FRAS1: variants seen among roughly 807,000 people sequenced by gnomAD.
The protein encoded by FRAS1 is Fraser extracellular matrix complex subunit 1.
In FRAS1, 290 loss-of-function variants were observed where a neutral mutation model predicts 435.2. The ratio of observed to expected loss-of-function variants is 0.67; its 90% CI spans 0.61 to 0.73. The LOEUF is 0.73. FRAS1 is among the 30% of genes least tolerant of loss of function. The pLI is 0.00. For missense variants in FRAS1, 4,860 were observed against 5,001.5 expected, an observed-to-expected ratio of 0.97 and a Z score of 0.85; for synonymous variants, 1,800 against 1,851.0, an observed-to-expected ratio of 0.97 and a Z score of 0.71.
chr4:78,287,145 G>GGA (rs1250321542), intron 14 of FRAS1, among the ~76,000 whole-genome samples: 3,741 of 151,660 alleles, frequency 0.025, 147 homozygotes, highest in African/African-American at 0.083. Flanking sequence ...CATGGTGTCT[G>GGA]GAGAGAGAGA....
At chr4:78,160,311 G>A (rs2110023099) in intron 2 of FRAS1, among the ~76,000 whole-genome samples, 1 of 152,358 alleles carries the variant, frequency 6.6e-6, no homozygotes, top group African/African-American at 2.4e-5. Flanking sequence ...CGTGTCAAAT[G>A]TAGCCTGCAG....
chr4:78,343,212 T>C (rs1033440638), intron 20 of FRAS1, among the ~76,000 whole-genome samples: 1 of 152,260 alleles, frequency 6.6e-6, no homozygotes, highest in Non-Finnish European at 1.5e-5. Flanking sequence ...AAGATGAAGA[T>C]GGCCAAACAT....
intron 2 of FRAS1, among the ~76,000 whole-genome samples, chr4:78,149,572 T>C (rs984544966): frequency 2.0e-5 from 3 of 152,184 alleles, no homozygotes; most frequent in African/African-American, 7.2e-5. Context: ...AATGGGAGTA[T>C]AGTATGTGTA....
At chr4:78,277,520 C>T (rs1038769460) in intron 9 of FRAS1, among the ~76,000 whole-genome samples, 2 of 151,942 alleles carry the variant, frequency 1.3e-5, no homozygotes, top group African/African-American at 4.8e-5. Context: ...TTAAAGAATA[C>T]TCTTTAGGCT....
chr4:78,479,265 A>G, intron 55 of FRAS1, 109 bp from the exon 56 acceptor site: 1 of 625,732 alleles, frequency 1.6e-6, no homozygotes, highest in Non-Finnish European at 2.4e-6. Context: ...TTTGAACAGA[A>G]ATAGTGATGG....
intron 2 of FRAS1, among the ~76,000 whole-genome samples, chr4:78,151,281 A>G (rs1212353860): frequency 1.3e-5 from 2 of 151,992 alleles, no homozygotes; most frequent in South Asian, 4.2e-4. Context: ...TTTATTGTGG[A>G]TGAAAAGCTC....
At position 78,445,580 on chromosome 4, in the gene FRAS1, C is replaced by T. The variant is rs1578329051; in HGVS notation, c.5724C>T (p.Asp1908=). The T allele has an allele frequency of 6.8e-6, 11 of 1,612,658 alleles. No individual in the cohort carries two copies. Among genetic ancestry groups the T allele is most frequent in the South Asian group, 1.1e-5 (1 of 90,786 alleles). Residue 1908 remains aspartate, a synonymous_variant, in exon 42 of 74, where the codon GAC becomes GAT. Coordinates refer to ENST00000512123, the MANE Select transcript of FRAS1 (RefSeq NM_025074.7). ...SDLEASFPIQ[D]VLENYIYYFQ... Reference sequence around the variant, plus strand: ...TAGAGGCATCATTTCCTATTCAAGACGTCCTGGAAAACTACATTTACTACT... The same window carrying T: ...TAGAGGCATCATTTCCTATTCAAGATGTCCTGGAAAACTACATTTACTACT...
In FRAS1 at chr4:78,369,700, G is replaced by A. The variant is rs183459982; in HGVS notation, c.2723-138G>A. On this transcript the variant is annotated intron_variant, in intron 22 of 73. Coordinates refer to ENST00000512123, the MANE Select transcript of FRAS1 (RefSeq NM_025074.7). Reference sequence around the variant, plus strand: ...TTTTCTGTTTTTGTTGATCACAGGGGAGGGCTATGAGCCATAATGAAATGT... The same window carrying A: ...TTTTCTGTTTTTGTTGATCACAGGGAAGGGCTATGAGCCATAATGAAATGT... 818 of 545,850 alleles carry A rather than the reference G, an allele frequency of 1.5e-3. 5 individuals are homozygous for A. The highest frequency in any genetic ancestry group is 2.2e-4 in the Non-Finnish European group (76 of 338,684). The allele number at this position is 545,850 out of a possible 1,614,324, so 33.8% of individuals were successfully genotyped here.
intron 2 of FRAS1, chr4:78,181,800 G>A (rs1722016392): frequency 1.2e-6 from 2 of 1,611,990 alleles, no homozygotes; most frequent in Non-Finnish European, 1.7e-6. Context: ...ACGCTGCGGG[G>A]CAGCGGGTTC....
chr4:78,336,740 G>A (rs529056651), intron 19 of FRAS1, among the ~76,000 whole-genome samples: 4 of 151,840 alleles, frequency 2.6e-5, no homozygotes, highest in South Asian at 4.1e-4. Flanking sequence ...CACCAGCCAC[G>A]TGCCAGGAGG....
chr4:78,393,053 T>G (rs972946845), intron 29 of FRAS1, among the ~76,000 whole-genome samples: 36 of 151,600 alleles, frequency 2.4e-4, no homozygotes, highest in African/African-American at 8.2e-4. Context: ...TGAGGAATGA[T>G]TGACATGTAA....
At chr4:78,512,244 G>C (rs1721064970) in intron 64 of FRAS1, among the ~76,000 whole-genome samples, 1 of 152,174 alleles carries the variant, frequency 6.6e-6, no homozygotes, top group Non-Finnish European at 1.5e-5. Context: ...GTATTTAAGT[G>C]TGTGCCTTTA....
intron 2 of FRAS1, among the ~76,000 whole-genome samples, chr4:78,070,150 T>A (rs1435077762): frequency 6.6e-6 from 1 of 152,198 alleles, no homozygotes; most frequent in Admixed American, 6.5e-5. Context: ...AGATTCACTA[T>A]GTGATGCAAA....
chr4:78,294,637 G>A (rs1728063840), intron 14 of FRAS1, among the ~76,000 whole-genome samples: 1 of 152,040 alleles, frequency 6.6e-6, no homozygotes, highest in African/African-American at 2.4e-5. Flanking sequence ...AATTTCCTTT[G>A]GTTCAAGTTC....
At chr4:78,175,168 A>G (rs1287911012) in intron 2 of FRAS1, among the ~76,000 whole-genome samples, 1 of 152,200 alleles carries the variant, frequency 6.6e-6, no homozygotes, top group Non-Finnish European at 1.5e-5. Context: ...CCTGGAGGCT[A>G]CTTTTTGTTG....
Position 78,516,524 on chromosome 4 carries a change from T to A in FRAS1, c.10389+511T>A, listed in dbSNP as rs146238703. On this transcript the variant is annotated intron_variant, in intron 66 of 73. Coordinates refer to ENST00000512123, the MANE Select transcript of FRAS1 (RefSeq NM_025074.7). ...TGCCAGCCCCCACAAAAATAGACAC[T>A]TTCTAAAATATATATTACCATTAAA... 3.6e-3 allele frequency among the ~76,000 whole-genome samples: 553 copies of A among 152,352 alleles called. 3 individuals carry two copies. Among genetic ancestry groups the A allele is most frequent in the Admixed American group, 6.0e-3 (92 of 15,302 alleles).
At chr4:78,424,356 TA>T (rs1733916237) in intron 34 of FRAS1, 31 bp from the exon 35 acceptor site, 2 of 1,330,568 alleles carry the variant, frequency 1.5e-6, no homozygotes, top group African/African-American at 1.5e-5. Context: ...CCAAAGTGTT[TA>T]ATATACTGAT....
chr4:78,475,591 A>G lies in FRAS1; in HGVS notation c.7836A>G (p.Val2612=). 6.3e-7 allele frequency: 1 copy of G among 1,591,472 alleles called. No individual in the cohort carries two copies. The highest frequency in any genetic ancestry group is 1.7e-4 in the Middle Eastern group (1 of 5,982). Residue 2612 remains valine (V), a synonymous_variant, in exon 54 of 74, where the codon GTA becomes GTG. Coordinates refer to ENST00000512123, the MANE Select transcript of FRAS1 (RefSeq NM_025074.7). ...VSSQPGQQDY[V]EYAGQVQFDE... ...CCCAACCTGGGCAACAGGACTATGT[A>G]GAGTATGCTGGCCAGGTAGGTGGGG...
At chr4:78,233,483 A>G (rs72657011) in intron 2 of FRAS1, among the ~76,000 whole-genome samples, 3,023 of 152,006 alleles carry the variant, frequency 0.02, 37 homozygotes, top group Non-Finnish European at 0.029. Context: ...AAGTCAAAGT[A>G]CTTATAGGAC....
Sources: gnomAD v4.1 joint callset for allele counts (sites outside exome capture counted in the v4.1 genomes callset) on GRCh38, gnomAD v4.1.1 for gene constraint, MANE v1.5 for transcripts, NCBI Gene and HGNC (gene_info 2026-07-23, HGNC 2026-07-21) for gene names.